MAGI2: variants seen among roughly 807,000 people sequenced by gnomAD.
MAGI2 encodes the protein membrane-associated guanylate kinase, WW and PDZ domain-containing protein 2.
A neutral mutation model predicts 133.3 loss-of-function variants in MAGI2; 35 were observed. That is an observed-to-expected ratio of 0.26 (90% CI 0.20 to 0.35). The LOEUF (loss-of-function observed/expected upper bound fraction) is 0.35. Ranked by LOEUF, MAGI2 falls within the 10% of genes least tolerant of loss-of-function variation. MAGI2 has a pLI of 1.00. For missense variants in MAGI2, 1,636 were observed against 1,863.4 expected (o/e 0.88, Z 2.25); for synonymous variants, 729 against 710.6 (o/e 1.03, Z -0.41).
At chr7:78,247,240 T>G (rs1000948830) in intron 10 of MAGI2, among the ~76,000 whole-genome samples, 9 of 151,982 alleles carry the variant, frequency 5.9e-5, no homozygotes, top group Non-Finnish European at 1.3e-4. Context: ...ATGCTGCCAC[T>G]GCTGTTGCCA....
At chr7:78,238,980 C>T (rs1790847184) in intron 10 of MAGI2, among the ~76,000 whole-genome samples, 1 of 152,154 alleles carries the variant, frequency 6.6e-6, no homozygotes, top group Admixed American at 6.5e-5. Context: ...AGCTCCTTGT[C>T]ATGGCTTGTC....
At chr7:79,317,183 C>T (rs939717638) in intron 1 of MAGI2, among the ~76,000 whole-genome samples, 15 of 151,722 alleles carry the variant, frequency 9.9e-5, no homozygotes, top group African/African-American at 2.2e-4. Flanking sequence ...CCACTAATCC[C>T]GGCTAATTTT....
At chr7:78,937,434 A>ACAAAAATTATTTATAGATG (rs1454736280) in intron 2 of MAGI2, among the ~76,000 whole-genome samples, 1 of 152,160 alleles carries the variant, frequency 6.6e-6, no homozygotes, top group East Asian at 1.9e-4. Context: ...ATAGTTGCAG[A>ACAAAAATTATTTATAGATG]CAAAAATTAT....
chr7:78,917,075 A>G (rs1798861821), intron 2 of MAGI2, among the ~76,000 whole-genome samples: 1 of 152,158 alleles, frequency 6.6e-6, no homozygotes, highest in African/African-American at 2.4e-5. Flanking sequence ...CTTAGTCTAA[A>G]AAAATTAGTG....
At chr7:78,177,947 T>C in intron 14 of MAGI2, 64 bp downstream of exon 14, 1 of 1,148,184 alleles carries the variant, frequency 8.7e-7, no homozygotes, top group Admixed American at 1.7e-5. Context: ...CTAAACACTA[T>C]TTTCCCTGGT....
At chr7:78,903,965 C>CT (rs1196777883) in intron 2 of MAGI2, 1 of 152,204 alleles carries the variant, frequency 6.6e-6, no homozygotes, top group Non-Finnish European at 1.5e-5. Flanking sequence ...AATAAATCCT[C>CT]TGTCATTTAC....
chr7:79,049,039 A>T (rs1043633872), intron 1 of MAGI2, among the ~76,000 whole-genome samples: 1 of 152,198 alleles, frequency 6.6e-6, no homozygotes, highest in African/African-American at 2.4e-5. Flanking sequence ...AAATGTTGCC[A>T]ACTTCAAGAT....
intron 6 of MAGI2, among the ~76,000 whole-genome samples, chr7:78,452,144 A>C (rs1189205765): frequency 6.6e-6 from 1 of 152,106 alleles, no homozygotes; most frequent in Non-Finnish European, 1.5e-5. Context: ...CATTTACTCT[A>C]GACAAAAACT....
chr7:79,186,651 T>G (rs1562973721), intron 1 of MAGI2, among the ~76,000 whole-genome samples: 2 of 136,794 alleles, frequency 1.5e-5, no homozygotes, highest in East Asian at 3.9e-4. Flanking sequence ...TGCATATATA[T>G]AATATAAACA....
At chr7:78,330,312 T>C (rs1031831064) in intron 9 of MAGI2, among the ~76,000 whole-genome samples, 2 of 152,146 alleles carry the variant, frequency 1.3e-5, no homozygotes, top group African/African-American at 4.8e-5. Flanking sequence ...GTCAGACTAG[T>C]GCTGCATAGA....
intron 9 of MAGI2, among the ~76,000 whole-genome samples, chr7:78,264,191 C>T (rs73150261): frequency 0.17 from 26,303 of 152,086 alleles, 2,718 homozygotes; most frequent in South Asian, 0.29. Context: ...CCTTACAAAA[C>T]CCATATAAGA....
At chr7:78,091,477 T>C (rs1216510341) in intron 20 of MAGI2, among the ~76,000 whole-genome samples, 1 of 152,216 alleles carries the variant, frequency 6.6e-6, no homozygotes, top group African/African-American at 2.4e-5. Context: ...TATTCTGTTA[T>C]GGTAGCACAA....
intron 1 of MAGI2, among the ~76,000 whole-genome samples, chr7:79,042,119 AT>A (rs1811724677): frequency 6.6e-6 from 1 of 152,216 alleles, no homozygotes; most frequent in African/African-American, 2.4e-5. Flanking sequence ...TGCATTCACA[AT>A]TATAATGAAT....
chr7:78,533,986 G>C (rs1797681056), intron 3 of MAGI2, among the ~76,000 whole-genome samples: 1 of 152,128 alleles, frequency 6.6e-6, no homozygotes, highest in Non-Finnish European at 1.5e-5. Context: ...CTGAGTGATG[G>C]GCAGAGGGGA....
chr7:79,436,735 T>C (rs1161269401), intron 1 of MAGI2, among the ~76,000 whole-genome samples: 3 of 152,184 alleles, frequency 2.0e-5, no homozygotes, highest in African/African-American at 7.2e-5. Context: ...GGAATATTCA[T>C]ATACTGTTGG....
At chr7:78,260,785 G>T (rs1290550527) in intron 9 of MAGI2, among the ~76,000 whole-genome samples, 1 of 152,074 alleles carries the variant, frequency 6.6e-6, no homozygotes, top group Non-Finnish European at 1.5e-5. Flanking sequence ...TGCCAATTAT[G>T]GAATTTCAAA....
At chr7:79,412,418 T>C (rs1462870523) in intron 1 of MAGI2, 1 of 152,138 alleles carries the variant, frequency 6.6e-6, no homozygotes, top group Non-Finnish European at 1.5e-5. Flanking sequence ...TGCATTACTG[T>C]CCTGATGCTG....
chr7:78,916,248 T>C (rs1435018121), intron 2 of MAGI2, among the ~76,000 whole-genome samples: 2 of 152,090 alleles, frequency 1.3e-5, no homozygotes, highest in East Asian at 3.8e-4. Context: ...ATGTGTATAA[T>C]GCTTCACACA....
At chr7:78,072,375 A>G (rs1814804126) in intron 21 of MAGI2, among the ~76,000 whole-genome samples, 1 of 152,220 alleles carries the variant, frequency 6.6e-6, no homozygotes, top group African/African-American at 2.4e-5. Context: ...TTTATGAGTC[A>G]CTACTCTGCT....
Sources: allele counts gnomAD v4.1 joint callset (sites outside exome capture counted in the v4.1 genomes callset), GRCh38; gene constraint gnomAD v4.1.1; transcripts MANE v1.5; gene names NCBI Gene and HGNC (gene_info 2026-07-23, HGNC 2026-07-21).